Variants in FNBP1 observed in about 807,000 individuals in gnomAD.
FNBP1 encodes formin binding protein 1, also known as formin-binding protein 1.
In FNBP1, 26 loss-of-function variants were observed where a neutral mutation model predicts 90.6. That is an observed-to-expected ratio of 0.29 (90% CI 0.21 to 0.40). The LOEUF (loss-of-function observed/expected upper bound fraction) is 0.40, where lower values mean the gene tolerates loss of function less well. FNBP1 is among the 10% of genes least tolerant of loss of function. The pLI, the probability that FNBP1 is intolerant of heterozygous loss-of-function variation, is 1.00. For synonymous variants in FNBP1, 260 were observed against 265.2 expected (o/e 0.98, Z 0.19); for missense variants, 635 against 768.0 (o/e 0.83, Z 2.05).
chr9:129,939,931 C>T (rs1371699513), intron 6 of FNBP1, among the ~76,000 whole-genome samples: 8 of 152,140 alleles, frequency 5.3e-5, no homozygotes, highest in Admixed American at 2.0e-4. Flanking sequence ...CCAGGCACAG[C>T]GGCTCACACC....
At position 129,920,606 on chromosome 9, in the gene FNBP1, T is replaced by C. The variant is rs563795613; in HGVS notation, c.1170+3238A>G. Among the ~76,000 whole-genome samples, 35 of 152,302 alleles carry C rather than the reference T, an allele frequency of 2.3e-4. 1 individual carries two copies. In the South Asian group the frequency reaches 3.7e-3, roughly 16 times the overall value. On this transcript the variant is annotated intron_variant, in intron 10 of 16. Coordinates refer to ENST00000446176, the MANE Select transcript of FNBP1 (RefSeq NM_015033.3). ...TGAGCCACAACGCCCAGCTTATCTTTTTCTAACCATCCTTTTCTTACATTT... is the reference window on the plus strand; with the variant it reads ...TGAGCCACAACGCCCAGCTTATCTTCTTCTAACCATCCTTTTCTTACATTT...
At chr9:129,971,183 G>A (rs942734627) in intron 4 of FNBP1, among the ~76,000 whole-genome samples, 2 of 151,798 alleles carry the variant, frequency 1.3e-5, no homozygotes, top group South Asian at 2.1e-4. Context: ...GAGCCACCGC[G>A]CCTGGCCGTG....
At chr9:130,011,529 T>G (rs1433864194) in intron 1 of FNBP1, among the ~76,000 whole-genome samples, 1 of 151,952 alleles carries the variant, frequency 6.6e-6, no homozygotes, top group Non-Finnish European at 1.5e-5. Context: ...AATGCCCATA[T>G]GAAAGATGCT....
At chr9:130,026,957 C>G (rs1230722425) in intron 1 of FNBP1, among the ~76,000 whole-genome samples, 3 of 149,104 alleles carry the variant, frequency 2.0e-5, no homozygotes, top group Admixed American at 2.0e-4. Context: ...CAGAGCCAGA[C>G]CCTGTCTCAA....
chr9:129,931,000 A>G (rs914562053), intron 6 of FNBP1, among the ~76,000 whole-genome samples: 1 of 152,180 alleles, frequency 6.6e-6, no homozygotes, highest in South Asian at 2.1e-4. Flanking sequence ...TACTGAACCA[A>G]TGTTTCAGAA....
chr9:129,938,090 G>A (rs1407224031), intron 6 of FNBP1, among the ~76,000 whole-genome samples: 1 of 152,120 alleles, frequency 6.6e-6, no homozygotes, highest in Non-Finnish European at 1.5e-5. Flanking sequence ...TTGAACCTGG[G>A]AGGCAGAGGT....
In FNBP1 at chr9:129,900,354, T is replaced by C. The variant is rs989440986; in HGVS notation, c.1550+72A>G. ...CAAGTGCCTTATGGTCATTCCAGAT[T>C]CCAAAATTTAGAAATAAATACAAAG... On this transcript the variant is annotated intron_variant, in intron 14 of 16. Coordinates refer to ENST00000446176, the MANE Select transcript of FNBP1 (RefSeq NM_015033.3). The surrounding 1 kb of genome is among the most constrained non-coding windows in gnomAD (Gnocchi z 4.1). 2.1e-6 allele frequency: 3 copies of C among 1,419,632 alleles called. No homozygotes were observed. The highest frequency in any genetic ancestry group is 1.5e-5 in the African/African-American group (1 of 68,520). 87.9% of individuals were successfully genotyped at this position (1,419,632 alleles called of 1,614,324 possible).
At chr9:129,920,958 G>A (rs79131256) in intron 10 of FNBP1, among the ~76,000 whole-genome samples, 20 of 152,276 alleles carry the variant, frequency 1.3e-4, no homozygotes, top group Non-Finnish European at 1.9e-4. Flanking sequence ...CGCCAGCATC[G>A]TTGAGCCAAG....
chr9:129,977,561 G>A (rs991460066), intron 4 of FNBP1, among the ~76,000 whole-genome samples: 1 of 150,132 alleles, frequency 6.7e-6, no homozygotes, highest in South Asian at 2.1e-4. Context: ...GCGAGATCTC[G>A]GCTCACTGCA....
chr9:130,002,608 C>T (rs1373888635), intron 1 of FNBP1, among the ~76,000 whole-genome samples: 1 of 152,178 alleles, frequency 6.6e-6, no homozygotes, highest in East Asian at 1.9e-4. Flanking sequence ...GTGGCCCTTT[C>T]TGGATGCAGG....
At chr9:130,002,369 T>A (rs777415915) in intron 1 of FNBP1, among the ~76,000 whole-genome samples, 3 of 152,156 alleles carry the variant, frequency 2.0e-5, no homozygotes, top group Non-Finnish European at 4.4e-5. Context: ...TGATTCCCAA[T>A]GTCAGAGGTG....
rs2035045880 is a variant in FNBP1, at chr9:129,890,971, A to G, written c.1847-425T>C. On this transcript the variant is annotated intron_variant, in intron 16 of 16. Coordinates refer to ENST00000446176, the MANE Select transcript of FNBP1 (RefSeq NM_015033.3). The surrounding 1 kb of genome is among the most constrained non-coding windows in gnomAD (Gnocchi z 5.8). ...GGAGTTCAAGACCAGCCTGGCTAAC[A>G]TGGTGAAAACCCATCTCTATTAAAA... is the stretch of plus-strand genomic sequence containing the variant. Among the ~76,000 whole-genome samples, 1 of 152,090 alleles carries G rather than the reference A, an allele frequency of 6.6e-6. No individual in the cohort carries two copies. The highest frequency in any genetic ancestry group is 2.1e-4 in the South Asian group (1 of 4,826).
In FNBP1 at chr9:130,041,660, T is replaced by TAA. The variant is rs2059828445; in HGVS notation, c.24+1290_24+1291dup. On this transcript the variant is annotated intron_variant, in intron 1 of 16. Transcript: ENST00000446176. This position sits in a 1 kb window ranked among gnomAD's most constrained non-coding sequence, Gnocchi z 4.3. Reference sequence around the variant, plus strand: ...ATCCCTTTTAGGCAGAAGATGTTTATAAAATGAATTATCTTAATTTAAGGG... The same window carrying TAA: ...ATCCCTTTTAGGCAGAAGATGTTTATAAAAAATGAATTATCTTAATTTAAGGG... Among the ~76,000 whole-genome samples the TAA allele has an allele frequency of 6.6e-6, 1 of 152,248 alleles. No homozygotes were observed. Among genetic ancestry groups the TAA allele is most frequent in the Admixed American group, 6.5e-5 (1 of 15,276 alleles).
At chr9:129,974,333 T>C (rs893680630) in intron 4 of FNBP1, among the ~76,000 whole-genome samples, 3 of 152,064 alleles carry the variant, frequency 2.0e-5, no homozygotes, top group African/African-American at 7.2e-5. Flanking sequence ...CCAGGGTCCA[T>C]ATCTTGGGTA....
chr9:130,044,087 A>C (rs2060028078), upstream of FNBP1, among the ~76,000 whole-genome samples: 1 of 152,150 alleles, frequency 6.6e-6, no homozygotes, highest in Non-Finnish European at 1.5e-5. Context: ...CTCTCTATAT[A>C]TCCAAAGGTC....
chr9:129,945,395 C>A (rs1227045383), intron 6 of FNBP1, among the ~76,000 whole-genome samples: 1 of 152,074 alleles, frequency 6.6e-6, no homozygotes, highest in African/African-American at 2.4e-5. Flanking sequence ...AAAAAATGTT[C>A]TCTAAATTGT....
chr9:129,977,390 G>A (rs1478918623), intron 4 of FNBP1, among the ~76,000 whole-genome samples: 1 of 151,968 alleles, frequency 6.6e-6, no homozygotes, highest in Non-Finnish European at 1.5e-5. Flanking sequence ...GAACAATAAG[G>A]TTTGCTTCAT....
At chr9:129,939,735 T>C (rs1403863466) in intron 6 of FNBP1, among the ~76,000 whole-genome samples, 1 of 152,190 alleles carries the variant, frequency 6.6e-6, no homozygotes, top group African/African-American at 2.4e-5. Context: ...GGGATACTTC[T>C]ACAATCCTGT....
intron 1 of FNBP1, among the ~76,000 whole-genome samples, chr9:130,037,308 C>G (rs995196326): frequency 1.3e-5 from 2 of 151,872 alleles, no homozygotes; most frequent in Non-Finnish European, 2.9e-5. Context: ...GAGCTGAGAT[C>G]GCGCCACTGC....
Sources: allele counts gnomAD v4.1 joint callset (sites outside exome capture counted in the v4.1 genomes callset), GRCh38; gene constraint gnomAD v4.1.1; non-coding constraint Gnocchi (gnomAD v3.1); transcripts MANE v1.5; gene names NCBI Gene and HGNC (gene_info 2026-07-23, HGNC 2026-07-21).